The following PLAUR variants were observed in gnomAD, a reference collection of about 807,000 sequenced individuals.
PLAUR encodes the protein urokinase plasminogen activator surface receptor.
PLAUR carries 22 observed loss-of-function variants against 33.4 expected under a neutral mutation model. The observed-to-expected ratio is 0.66, with a 90% confidence interval of 0.47 to 0.94. The LOEUF (loss-of-function observed/expected upper bound fraction) is 0.94. Among genes scored for constraint, PLAUR ranks in the 40% least tolerant of loss-of-function variants. The pLI, the probability that PLAUR is intolerant of heterozygous loss-of-function variation, is 0.00. For missense variants in PLAUR, 408 were observed against 434.7 expected, an observed-to-expected ratio of 0.94 and a Z score of 0.55; for synonymous variants, 148 against 167.3, an observed-to-expected ratio of 0.88 and a Z score of 0.89.
chr19:43,649,817 A>G (rs10408734), intron 6 of PLAUR, among the ~76,000 whole-genome samples: 1,661 of 152,234 alleles, frequency 0.011, 30 homozygotes, highest in African/African-American at 0.037. Context: ...AGACCCTTTC[A>G]GGAGATCTGT....
intron 3 of PLAUR, among the ~76,000 whole-genome samples, chr19:43,664,911 A>G (rs1967162512): frequency 1.3e-5 from 2 of 152,204 alleles, no homozygotes; most frequent in Admixed American, 1.3e-4. Flanking sequence ...CAAGTTATAC[A>G]TAACAACCAT....
chr19:43,664,665 A>G (rs1967149849), intron 3 of PLAUR, among the ~76,000 whole-genome samples: 1 of 152,188 alleles, frequency 6.6e-6, no homozygotes, highest in South Asian at 2.1e-4. Flanking sequence ...GAGACCATCT[A>G]TTGCAGAGGA....
intron 3 of PLAUR, among the ~76,000 whole-genome samples, chr19:43,658,338 G>A (rs1372858047): frequency 3.9e-5 from 6 of 151,912 alleles, no homozygotes; most frequent in Non-Finnish European, 7.4e-5. Flanking sequence ...CTGACATCTC[G>A]ACTGCAGGCT....
intron 6 of PLAUR, 60 bp from the exon 7 acceptor site, chr19:43,649,203 C>CA: frequency 6.4e-7 from 1 of 1,570,592 alleles, no homozygotes; most frequent in Admixed American, 1.7e-5. Context: ...TGGAATTCTC[C>CA]AGTAGGTGAC....
intron 5 of PLAUR, among the ~76,000 whole-genome samples, chr19:43,652,702 G>C (rs1304001044): frequency 6.6e-6 from 1 of 152,094 alleles, no homozygotes; most frequent in Non-Finnish European, 1.5e-5. Flanking sequence ...CCAGGCTGGA[G>C]TGCAGTGGCG....
rs1308269103 is a variant in PLAUR, at chr19:43,656,555, G to C, written c.396C>G (p.His132Gln). The C allele has an allele frequency of 6.2e-7, 1 of 1,613,108 alleles. No individual in the cohort carries two copies. The highest frequency in any genetic ancestry group is 8.5e-7 in the Non-Finnish European group (1 of 1,179,492). ...SSDMSCERGR[H>Q]QSLQCRSPEE... is the part of the protein sequence containing the mutation. Reference sequence around the variant, plus strand: ...CAGGGCTGCGGCACTGCAGGCTCTGGTGCCGGCCCCTCTCACAGCTCATGT... The same window carrying C: ...CAGGGCTGCGGCACTGCAGGCTCTGCTGCCGGCCCCTCTCACAGCTCATGT... The change falls in exon 4 of 7, where the codon CAC becomes CAG. Residue 132 changes from histidine to glutamine, a missense_variant. Transcript: ENST00000340093.
Position 43,665,383 on chromosome 19 carries a change from A to C in PLAUR, c.243T>G (p.Thr81=). Residue 81 remains threonine (T), a synonymous_variant, in exon 3 of 7, where the codon ACT becomes ACG. Transcript: ENST00000340093. ...EKTNRTLSYR[T]GLKITSLTEV... Reference sequence around the variant, plus strand: ...CGGTAAGGCTGGTGATCTTCAAGCCAGTCCGATAGCTCAGGGTCCTGTTGG... The same window carrying C: ...CGGTAAGGCTGGTGATCTTCAAGCCCGTCCGATAGCTCAGGGTCCTGTTGG... The C allele has an allele frequency of 6.2e-7, 1 of 1,613,796 alleles. No homozygotes were observed. The highest frequency in any genetic ancestry group is 8.5e-7 in the Non-Finnish European group (1 of 1,179,938).
rs922613933 is a variant in PLAUR at position 43,648,684 on chromosome 19, C to T, written c.*206G>A. 3.9e-6 allele frequency: 3 copies of T among 765,924 alleles called. No homozygotes were observed. The highest frequency in any genetic ancestry group is 5.8e-6 in the Non-Finnish European group (3 of 513,830). 47.4% of individuals were successfully genotyped at this position (765,924 alleles called of 1,614,324 possible). On this transcript the variant is annotated 3_prime_UTR_variant, in exon 7 of 7. Coordinates refer to ENST00000340093, the MANE Select transcript of PLAUR (RefSeq NM_002659.4). ...CAATATTAATAATAACAAGAGCTCT[C>T]CCATTGGCCCACGGCCTTCCTCCAG... is the stretch of plus-strand genomic sequence containing the variant.
At chr19:43,664,299 C>T (rs1198889845) in intron 3 of PLAUR, among the ~76,000 whole-genome samples, 1 of 152,302 alleles carries the variant, frequency 6.6e-6, no homozygotes, top group East Asian at 1.9e-4. Context: ...ACTGATGTCA[C>T]CAACCATGAC....
intron 3 of PLAUR, among the ~76,000 whole-genome samples, chr19:43,664,780 A>G (rs1276759978): frequency 6.6e-6 from 1 of 152,058 alleles, no homozygotes; most frequent in Non-Finnish European, 1.5e-5. Context: ...TATTGCTTGG[A>G]CCATCTCCCG....
At chr19:43,667,346 A>T (rs1967299386) in intron 2 of PLAUR, 2 of 572,552 alleles carry the variant, frequency 3.5e-6, no homozygotes. Context: ...AATCGCTCTA[A>T]GTGGTTGATG....
chr19:43,663,802 A>C (rs1459615501), intron 3 of PLAUR, among the ~76,000 whole-genome samples: 2 of 150,896 alleles, frequency 1.3e-5, no homozygotes, highest in African/African-American at 4.9e-5. Flanking sequence ...ACAAACAAAA[A>C]AAAAAAACAA....
At chr19:43,650,941 G>A (rs1288523227) in intron 6 of PLAUR, among the ~76,000 whole-genome samples, 9 of 150,862 alleles carry the variant, frequency 6.0e-5, no homozygotes, top group Non-Finnish European at 8.8e-5. Context: ...GCTGAGGCAG[G>A]AGGATTGCTT....
At chr19:43,661,407 T>G (rs545814) in intron 3 of PLAUR, 1 of 28,314 alleles carries the variant, frequency 3.5e-5, no homozygotes, top group African/African-American at 1.1e-4. Flanking sequence ...TTTCTTTTTT[T>G]TTTTTTTGAA....
chr19:43,646,869 C>A (rs141564823), downstream of PLAUR, among the ~76,000 whole-genome samples: 84 of 150,204 alleles, frequency 5.6e-4, 1 homozygote, highest in East Asian at 0.012. Flanking sequence ...CAACCTCCTC[C>A]TCCTGGGTTC....
At chr19:43,660,475 G>GT (rs34200864) in intron 3 of PLAUR, 2,510 of 143,594 alleles carry the variant, frequency 0.017, 76 homozygotes, top group African/African-American at 0.056. Context: ...GCCCGGCCTG[G>GT]TTTTTTTTTT....
At chr19:43,648,421 G>A (rs535757357), downstream of PLAUR, 2 of 164,248 alleles carry the variant, frequency 1.2e-5, no homozygotes, top group East Asian at 1.9e-4. Flanking sequence ...TCAGCATTTG[G>A]AGTCCAGAAA....
At chr19:43,656,274 A>G (rs1404818204) in intron 4 of PLAUR, among the ~76,000 whole-genome samples, 1 of 141,944 alleles carries the variant, frequency 7.0e-6, no homozygotes, top group Non-Finnish European at 1.6e-5. Flanking sequence ...ATAAATAAAT[A>G]AATAAAAAGA....
At chr19:43,663,776 C>T (rs1264483602) in intron 3 of PLAUR, among the ~76,000 whole-genome samples, 1 of 133,462 alleles carries the variant, frequency 7.5e-6, no homozygotes, top group African/African-American at 2.8e-5. Flanking sequence ...AGTGAAACTC[C>T]ATCTCAAACG....
Sources: allele counts gnomAD v4.1 joint callset (sites outside exome capture counted in the v4.1 genomes callset), GRCh38; gene constraint gnomAD v4.1.1; transcripts MANE v1.5; gene names NCBI Gene and HGNC (gene_info 2026-07-23, HGNC 2026-07-21).